Variants in SPAG16 observed in about 807,000 individuals in gnomAD.
SPAG16 encodes sperm associated antigen 16.
Under a neutral mutation model 80.4 loss-of-function variants are expected in SPAG16, and 86 were observed. That is an observed-to-expected ratio of 1.07 (90% CI 0.90 to 1.28). The LOEUF is 1.28. Among genes scored for constraint, SPAG16 ranks in the 50% most tolerant of loss-of-function variants. SPAG16 has a pLI of 0.00. For synonymous variants in SPAG16, 294 were observed against 265.9 expected, an observed-to-expected ratio of 1.11 and a Z score of -1.03; for missense variants, 870 against 765.3, an observed-to-expected ratio of 1.14 and a Z score of -1.61.
chr2:213,330,953 G>T (rs1321664684), intron 5 of SPAG16, among the ~76,000 whole-genome samples: 1 of 152,134 alleles, frequency 6.6e-6, no homozygotes. Flanking sequence ...AGATGTGTTT[G>T]CTCCTCCTTG....
At chr2:214,162,459 C>T (rs1245839179) in intron 15 of SPAG16, among the ~76,000 whole-genome samples, 1 of 151,766 alleles carries the variant, frequency 6.6e-6, no homozygotes, top group Non-Finnish European at 1.5e-5. Flanking sequence ...GATTTTTAAC[C>T]CTATTACAGG....
chr2:214,309,599 G>A (rs553063901), intron 15 of SPAG16, among the ~76,000 whole-genome samples: 11 of 152,092 alleles, frequency 7.2e-5, no homozygotes, highest in African/African-American at 2.7e-4. Context: ...ATGACCATGA[G>A]GGTTTGATTG....
intron 10 of SPAG16, among the ~76,000 whole-genome samples, chr2:213,669,017 A>T (rs2063719897): frequency 6.6e-6 from 1 of 152,208 alleles, no homozygotes; most frequent in Admixed American, 6.5e-5. Context: ...TATATTCAAA[A>T]TGCAAATTTT....
At chr2:213,491,506 A>C (rs2074232984) in intron 10 of SPAG16, among the ~76,000 whole-genome samples, 1 of 152,228 alleles carries the variant, frequency 6.6e-6, no homozygotes, top group Non-Finnish European at 1.5e-5. Context: ...CTGGCTTATA[A>C]ACAGGTTTAG....
chr2:213,727,444 A>G (rs1408957474), intron 10 of SPAG16, among the ~76,000 whole-genome samples: 32 of 152,186 alleles, frequency 2.1e-4, no homozygotes, highest in Admixed American at 2.1e-3. Context: ...AATTTTAAAT[A>G]AGGTGGTCAA....
chr2:213,340,152 T>G lies in SPAG16; in HGVS notation c.537-11T>G. On this transcript the variant is annotated splice_polypyrimidine_tract_variant and intron_variant, in intron 5 of 15. Transcript: ENST00000331683. ...TAGCAGTGATTTATAAAGTTACTAT[T>G]TTTTTTTCAGCAAAGCTAGAGAAGA... 3 of 1,576,334 alleles carry G rather than the reference T, an allele frequency of 1.9e-6. No homozygotes were observed. Among genetic ancestry groups the G allele is most frequent in the Non-Finnish European group, 2.6e-6 (3 of 1,155,104 alleles).
intron 12 of SPAG16, among the ~76,000 whole-genome samples, chr2:213,932,192 A>C (rs1228110651): frequency 1.5e-5 from 1 of 67,156 alleles, no homozygotes; most frequent in Non-Finnish European, 3.1e-5. Context: ...ATATATATAT[A>C]TATATATTTG....
intron 14 of SPAG16, among the ~76,000 whole-genome samples, chr2:214,131,032 C>T (rs1231197124): frequency 2.0e-5 from 3 of 152,170 alleles, no homozygotes; most frequent in African/African-American, 7.2e-5. Flanking sequence ...ATATTCAATT[C>T]CTTCAGGACT....
chr2:214,256,936 A>G (rs1219074074), intron 15 of SPAG16, among the ~76,000 whole-genome samples: 1 of 151,956 alleles, frequency 6.6e-6, no homozygotes. Flanking sequence ...AAATTTTAAC[A>G]TCTTGTCAAT....
At chr2:214,137,509 T>G (rs2055123450) in intron 14 of SPAG16, among the ~76,000 whole-genome samples, 1 of 152,126 alleles carries the variant, frequency 6.6e-6, no homozygotes, top group Non-Finnish European at 1.5e-5. Context: ...GTGAGGAACA[T>G]CTATGTGACA....
intron 10 of SPAG16, among the ~76,000 whole-genome samples, chr2:213,713,464 T>G (rs776594845): frequency 1.3e-5 from 2 of 152,200 alleles, no homozygotes; most frequent in African/African-American, 4.8e-5. Context: ...GAGGAATCAC[T>G]TCTTAGGAAT....
At chr2:213,761,644 G>C (rs377466821) in intron 10 of SPAG16, among the ~76,000 whole-genome samples, 2 of 152,096 alleles carry the variant, frequency 1.3e-5, no homozygotes, top group African/African-American at 4.8e-5. Flanking sequence ...GGTGGATCAC[G>C]AGATCAGGAG....
chr2:213,580,047 C>T (rs1052108450), intron 10 of SPAG16, among the ~76,000 whole-genome samples: 1 of 152,022 alleles, frequency 6.6e-6, no homozygotes, highest in Non-Finnish European at 1.5e-5. Context: ...CTCTCACCTT[C>T]CCCCCAACTT....
intron 10 of SPAG16, among the ~76,000 whole-genome samples, chr2:213,679,237 A>G (rs2064258240): frequency 6.6e-6 from 1 of 152,220 alleles, no homozygotes; most frequent in Non-Finnish European, 1.5e-5. Context: ...GTCATGTAAA[A>G]TTGCTTTGAC....
chr2:214,030,745 C>G (rs775401356), intron 13 of SPAG16, among the ~76,000 whole-genome samples: 10 of 152,186 alleles, frequency 6.6e-5, no homozygotes, highest in African/African-American at 2.2e-4. Context: ...TACCTCTCCC[C>G]CTAACCTCAC....
intron 13 of SPAG16, among the ~76,000 whole-genome samples, chr2:214,060,487 T>C (rs6714437): frequency 0.67 from 101,473 of 151,928 alleles, 34,461 homozygotes; most frequent in African/African-American, 0.75. Flanking sequence ...CATAGCAAAA[T>C]AAAAATCGAA....
intron 1 of SPAG16, among the ~76,000 whole-genome samples, chr2:213,295,765 A>C (rs2062471772): frequency 6.6e-6 from 1 of 152,110 alleles, no homozygotes; most frequent in Admixed American, 6.5e-5. Flanking sequence ...GTATATTTTC[A>C]CAAGCCTTCA....
chr2:214,214,984 A>G (rs2058390783), intron 15 of SPAG16, among the ~76,000 whole-genome samples: 1 of 151,938 alleles, frequency 6.6e-6, no homozygotes, highest in Non-Finnish European at 1.5e-5. Flanking sequence ...GTATCTCTGC[A>G]TCTCCAAGGC....
At chr2:214,111,623 T>C (rs77615018) in intron 14 of SPAG16, among the ~76,000 whole-genome samples, 18,640 of 152,272 alleles carry the variant, frequency 0.12, 1,366 homozygotes, top group East Asian at 0.29. Flanking sequence ...GGCTCTTTTT[T>C]GGTTCCTGAA....
Sources: allele counts gnomAD v4.1 joint callset (sites outside exome capture counted in the v4.1 genomes callset), GRCh38; gene constraint gnomAD v4.1.1; transcripts MANE v1.5; gene names NCBI Gene and HGNC (gene_info 2026-07-23, HGNC 2026-07-21).